The following KCNH7 variants were observed in gnomAD, a reference collection of about 807,000 sequenced individuals.
The protein encoded by KCNH7 is voltage-gated inwardly rectifying potassium channel KCNH7.
KCNH7 carries 49 observed loss-of-function variants against 120.8 expected under a neutral mutation model. The ratio of observed to expected loss-of-function variants is 0.41; its 90% CI spans 0.32 to 0.51. The LOEUF (loss-of-function observed/expected upper bound fraction) is 0.51. Among genes scored for constraint, KCNH7 ranks in the 20% least tolerant of loss-of-function variants. KCNH7 has a pLI of 0.38. For synonymous variants in KCNH7, 547 were observed against 516.1 expected, an observed-to-expected ratio of 1.06 and a Z score of -0.81; for missense variants, 1,097 against 1,446.6, an observed-to-expected ratio of 0.76 and a Z score of 3.92.
chr2:162,418,604 C>T (rs530767517), intron 9 of KCNH7, among the ~76,000 whole-genome samples: 2 of 152,066 alleles, frequency 1.3e-5, no homozygotes, highest in Non-Finnish European at 2.9e-5. Flanking sequence ...ATATAAAGGT[C>T]TGGCCCAGAT....
At chr2:162,655,585 G>A (rs1574227423) in intron 2 of KCNH7, among the ~76,000 whole-genome samples, 1 of 152,006 alleles carries the variant, frequency 6.6e-6, no homozygotes, top group Non-Finnish European at 1.5e-5. Context: ...AAGAGATCGA[G>A]ACCATCCTGG....
chr2:162,677,403 A>G (rs1422336267), intron 2 of KCNH7, among the ~76,000 whole-genome samples: 1 of 151,456 alleles, frequency 6.6e-6, no homozygotes, highest in Non-Finnish European at 1.5e-5. Flanking sequence ...AACACTGAAG[A>G]AGAATCCTTC....
chr2:162,828,951 C>A lies in KCNH7; in HGVS notation c.307+7586G>T, dbSNP rs562996089. Among the ~76,000 whole-genome samples, 4 of 152,206 alleles carry A rather than the reference C, an allele frequency of 2.6e-5. No homozygotes were observed. The South Asian group carries it at 8.3e-4, about 32-fold the overall frequency. ...AAGGACAAGTTTGCACACAAGCAGG[C>A]CTACTTTAACTTGGGAAAAGTCATA... On this transcript the variant is annotated intron_variant, in intron 2 of 15. Transcript: ENST00000332142.
At chr2:162,483,134 C>T (rs73020634) in intron 6 of KCNH7, among the ~76,000 whole-genome samples, 13,409 of 152,162 alleles carry the variant, frequency 0.088, 816 homozygotes, top group African/African-American at 0.17. Context: ...TATCCTAAAA[C>T]TTCACTTTTG....
intron 2 of KCNH7, among the ~76,000 whole-genome samples, chr2:162,825,741 A>C (rs1314955412): frequency 6.6e-6 from 1 of 152,032 alleles, no homozygotes; most frequent in East Asian, 1.9e-4. Flanking sequence ...TCTGTGTAAA[A>C]ATTTTATGTA....
chr2:162,551,149 G>T (rs984947247), intron 2 of KCNH7, among the ~76,000 whole-genome samples: 1 of 152,068 alleles, frequency 6.6e-6, no homozygotes, highest in Admixed American at 6.5e-5. Context: ...GGAACTAAAA[G>T]GTATTCATCA....
At chr2:162,482,213 G>A (rs761473386) in intron 6 of KCNH7, among the ~76,000 whole-genome samples, 1 of 152,196 alleles carries the variant, frequency 6.6e-6, no homozygotes, top group Non-Finnish European at 1.5e-5. Flanking sequence ...AAATGAGAAG[G>A]CTTTGATATA....
At chr2:162,613,268 A>G (rs1357142208) in intron 2 of KCNH7, among the ~76,000 whole-genome samples, 5 of 152,066 alleles carry the variant, frequency 3.3e-5, no homozygotes, top group African/African-American at 1.2e-4. Flanking sequence ...CTATAATTAG[A>G]GTGACTATCA....
At chr2:162,828,413 T>C (rs981777935) in intron 2 of KCNH7, among the ~76,000 whole-genome samples, 2 of 152,104 alleles carry the variant, frequency 1.3e-5, no homozygotes, top group Non-Finnish European at 2.9e-5. Context: ...AGAAGAGTGT[T>C]TTGAGGCTAA....
At chr2:162,832,409 A>T (rs1685509403) in intron 2 of KCNH7, among the ~76,000 whole-genome samples, 1 of 152,142 alleles carries the variant, frequency 6.6e-6, no homozygotes, top group East Asian at 1.9e-4. Flanking sequence ...TGCTTCTTTA[A>T]TACATTATTA....
At chr2:162,595,281 T>C (rs1694341185) in intron 2 of KCNH7, among the ~76,000 whole-genome samples, 1 of 151,912 alleles carries the variant, frequency 6.6e-6, no homozygotes, top group Non-Finnish European at 1.5e-5. Flanking sequence ...TCAGATCTTG[T>C]GAGACTCACT....
At chr2:162,568,064 A>G (rs1022211201) in intron 2 of KCNH7, among the ~76,000 whole-genome samples, 3 of 152,028 alleles carry the variant, frequency 2.0e-5, no homozygotes, top group Non-Finnish European at 4.4e-5. Context: ...AGGAAACTTA[A>G]CAATCATGGT....
intron 10 of KCNH7, 123 bp from the exon 11 acceptor site, chr2:162,397,068 T>G: frequency 1.5e-6 from 1 of 663,112 alleles, no homozygotes; most frequent in Non-Finnish European, 2.6e-6. Flanking sequence ...GTGAGCAATG[T>G]TCCAGCACCT....
At position 162,428,288 on chromosome 2, in the gene KCNH7, TG is replaced by T. The variant is rs557854092; in HGVS notation, c.1955-4754del. On this transcript the variant is annotated intron_variant, in intron 8 of 15. Coordinates refer to ENST00000332142, the MANE Select transcript of KCNH7 (RefSeq NM_033272.4). Reference sequence around the variant, plus strand: ...TATTTGGAACCTATTTCTAAACATTTGGGGACTTTCTAAACATCTATCAGTT... The same window carrying T: ...TATTTGGAACCTATTTCTAAACATTTGGGACTTTCTAAACATCTATCAGTT... Among the ~76,000 whole-genome samples the T allele has an allele frequency of 4.5e-4, 69 of 151,980 alleles. 3 individuals are homozygous for T. The South Asian group carries it at 0.014, about 31-fold the overall frequency.
intron 5 of KCNH7, 141 bp from the exon 6 acceptor site, chr2:162,504,798 A>T: frequency 1.6e-6 from 1 of 624,322 alleles, no homozygotes; most frequent in East Asian, 2.7e-5. Flanking sequence ...ATACCTGGAC[A>T]CAGGGCTTAG....
intron 2 of KCNH7, among the ~76,000 whole-genome samples, chr2:162,561,504 C>A (rs1030333733): frequency 2.6e-5 from 4 of 152,266 alleles, no homozygotes; most frequent in African/African-American, 9.6e-5. Flanking sequence ...TTCACACTCC[C>A]ACCAACAGTG....
chr2:162,748,384 C>T (rs1688388471), intron 2 of KCNH7, among the ~76,000 whole-genome samples: 1 of 152,162 alleles, frequency 6.6e-6, no homozygotes, highest in Admixed American at 6.5e-5. Flanking sequence ...ATGAGATGGA[C>T]TAAGTTTTTA....
At chr2:162,614,708 A>C (rs1683081481) in intron 2 of KCNH7, among the ~76,000 whole-genome samples, 4 of 148,476 alleles carry the variant, frequency 2.7e-5, no homozygotes, top group Admixed American at 2.0e-4. Context: ...TATATATTAT[A>C]TACTACATAT....
intron 2 of KCNH7, among the ~76,000 whole-genome samples, chr2:162,613,210 G>T (rs1249144867): frequency 6.6e-6 from 1 of 151,742 alleles, no homozygotes; most frequent in Non-Finnish European, 1.5e-5. Flanking sequence ...AGTACAAAAA[G>T]AATATTTCAA....
Sources: gnomAD v4.1 joint callset for allele counts (sites outside exome capture counted in the v4.1 genomes callset) on GRCh38, gnomAD v4.1.1 for gene constraint, MANE v1.5 for transcripts, NCBI Gene and HGNC (gene_info 2026-07-23, HGNC 2026-07-21) for gene names.